DSCAM: variants seen among roughly 807,000 people sequenced by gnomAD.
DSCAM encodes DS cell adhesion molecule, also known as cell adhesion molecule DSCAM.
Under a neutral mutation model 217.7 loss-of-function variants are expected in DSCAM, and 47 were observed. The observed-to-expected ratio is 0.22, with a 90% CI of 0.17 to 0.28. The LOEUF (loss-of-function observed/expected upper bound fraction) is 0.28. DSCAM is among the 10% of genes least tolerant of loss of function. The probability of loss-of-function intolerance (pLI) is 1.00; values close to 1 mark genes in which losing one functional copy is unlikely to be tolerated. For synonymous variants in DSCAM, 1,056 were observed against 1,015.3 expected (o/e 1.04, Z -0.76); for missense variants, 2,080 against 2,618.3 (o/e 0.79, Z 4.49).
chr21:40,276,134 G>A lies in DSCAM; in HGVS notation c.2319C>T (p.Gly773=), dbSNP rs757360658. 7 of 1,608,104 alleles carry A rather than the reference G, an allele frequency of 4.4e-6. No homozygotes were observed. Among genetic ancestry groups the A allele is most frequent in the East Asian group, 2.2e-5 (1 of 44,748 alleles). Residue 773 remains glycine, a synonymous_variant, in exon 11 of 33, where the codon GGC becomes GGT. Coordinates refer to ENST00000400454, the MANE Select transcript of DSCAM (RefSeq NM_001389.5). ...YYLCKVSNDV[G]ADVSKSMYLT... ...GGTACATGGACTTGCTGACGTCTGC[G>A]CCCACATCGTTGCTGACCTTGCAGA...
At chr21:40,181,163 G>A (rs1368497357) in intron 14 of DSCAM, among the ~76,000 whole-genome samples, 2 of 152,084 alleles carry the variant, frequency 1.3e-5, no homozygotes, top group South Asian at 2.1e-4. Flanking sequence ...ATACATTTCT[G>A]TTTGTGTTTT....
chr21:40,547,490 C>A (rs1277399089), intron 3 of DSCAM, among the ~76,000 whole-genome samples: 1 of 152,176 alleles, frequency 6.6e-6, no homozygotes, highest in Non-Finnish European at 1.5e-5. Context: ...AAGGTTAAAA[C>A]CTTAATGCAC....
intron 3 of DSCAM, among the ~76,000 whole-genome samples, chr21:40,530,337 C>T (rs11908786): frequency 0.022 from 3,370 of 152,264 alleles, 121 homozygotes; most frequent in African/African-American, 0.076. Flanking sequence ...AACAAAACTA[C>T]AGGTTAAAAA....
intron 10 of DSCAM, among the ~76,000 whole-genome samples, chr21:40,279,435 A>T (rs1386823271): frequency 6.6e-6 from 1 of 152,268 alleles, no homozygotes; most frequent in Non-Finnish European, 1.5e-5. Flanking sequence ...ATACCATCTC[A>T]TGCCAGTCAC....
chr21:40,043,433 T>A lies in DSCAM; in HGVS notation c.5383+645A>T, dbSNP rs542753395. 1.4e-4 allele frequency among the ~76,000 whole-genome samples: 21 copies of A among 152,310 alleles called. No homozygotes were observed. In the South Asian group the frequency reaches 2.9e-3, roughly 21 times the overall value. ...GGAACACTGTTTTTGAAGTATATCA[T>A]CAAGAACAAAAGAAAAATGAGTATT... On this transcript the variant is annotated intron_variant, in intron 31 of 32. Transcript: ENST00000400454.
intron 1 of DSCAM, among the ~76,000 whole-genome samples, chr21:40,710,999 G>A (rs893282308): frequency 6.7e-6 from 1 of 150,226 alleles, no homozygotes; most frequent in Non-Finnish European, 1.5e-5. Context: ...GTGACATGGA[G>A]ATTCACAGGG....
intron 3 of DSCAM, among the ~76,000 whole-genome samples, chr21:40,626,633 T>C (rs774877246): frequency 2.0e-5 from 3 of 152,348 alleles, no homozygotes; most frequent in Non-Finnish European, 4.4e-5. Context: ...TCTTTTTGCA[T>C]TCCTCTTTGA....
intron 3 of DSCAM, among the ~76,000 whole-genome samples, chr21:40,519,846 C>G (rs112226358): frequency 0.034 from 5,065 of 149,356 alleles, 216 homozygotes; most frequent in African/African-American, 0.094. Context: ...CTCTCTCTCT[C>G]TCTCTGTGTG....
chr21:40,525,599 G>T (rs771494319), intron 3 of DSCAM, among the ~76,000 whole-genome samples: 1 of 152,192 alleles, frequency 6.6e-6, no homozygotes, highest in Non-Finnish European at 1.5e-5. Context: ...ACTTTTCAGA[G>T]TAATTTGGTT....
intron 30 of DSCAM, among the ~76,000 whole-genome samples, chr21:40,046,336 T>A (rs1015146912): frequency 1.3e-5 from 2 of 152,222 alleles, no homozygotes; most frequent in African/African-American, 4.8e-5. Flanking sequence ...ATCAGAATAC[T>A]CAATCTTGGT....
At chr21:40,197,682 G>A (rs1244391803) in intron 11 of DSCAM, among the ~76,000 whole-genome samples, 2 of 152,064 alleles carry the variant, frequency 1.3e-5, no homozygotes, top group Admixed American at 1.3e-4. Context: ...AATGGTAGTA[G>A]CAGCACAGTT....
intron 14 of DSCAM, 90 bp from the exon 15 acceptor site, chr21:40,179,184 CAAAA>C (rs11286508): frequency 1.5e-3 from 155 of 102,540 alleles, no homozygotes; most frequent in East Asian, 2.5e-3. Flanking sequence ...AATTAAAAAC[CAAAA>C]AAAAAAAAAA....
intron 9 of DSCAM, among the ~76,000 whole-genome samples, chr21:40,307,300 G>T (rs1447781280): frequency 6.6e-6 from 1 of 151,546 alleles, no homozygotes; most frequent in Non-Finnish European, 1.5e-5. Context: ...CTCAAAAGAA[G>T]ACATTTATGC....
At chr21:40,465,021 G>A (rs1041951028) in intron 3 of DSCAM, among the ~76,000 whole-genome samples, 1 of 151,986 alleles carries the variant, frequency 6.6e-6, no homozygotes, top group African/African-American at 2.4e-5. Context: ...TTACAGGTGT[G>A]AGCCACCGCA....
At chr21:40,280,059 C>A (rs142636375) in intron 10 of DSCAM, among the ~76,000 whole-genome samples, 5,773 of 151,828 alleles carry the variant, frequency 0.038, 380 homozygotes, top group African/African-American at 0.13. Context: ...AGCAAACCAC[C>A]GTGGCACATT....
chr21:40,197,842 G>A (rs1030214942), intron 11 of DSCAM, among the ~76,000 whole-genome samples: 9 of 152,180 alleles, frequency 5.9e-5, no homozygotes, highest in African/African-American at 1.4e-4. Context: ...TAAGTAATTA[G>A]CCTAAAGTCA....
At chr21:40,153,116 T>C (rs1053732719) in intron 16 of DSCAM, among the ~76,000 whole-genome samples, 8 of 152,228 alleles carry the variant, frequency 5.3e-5, no homozygotes, top group Non-Finnish European at 7.3e-5. Flanking sequence ...GTCTTTTTCA[T>C]CTTTGTGCGT....
At chr21:40,273,645 A>G (rs1469575155) in intron 11 of DSCAM, among the ~76,000 whole-genome samples, 2 of 152,174 alleles carry the variant, frequency 1.3e-5, no homozygotes, top group African/African-American at 4.8e-5. Flanking sequence ...GTAGTTTCTT[A>G]GTCAACTGGG....
chr21:40,087,029 T>C, intron 22 of DSCAM, 141 bp downstream of exon 22: 2 of 663,022 alleles, frequency 3.0e-6, no homozygotes, highest in Admixed American at 2.4e-5. Flanking sequence ...TCTGCCCTCA[T>C]CTCAGAAGAA....
Sources: allele counts gnomAD v4.1 joint callset (sites outside exome capture counted in the v4.1 genomes callset), GRCh38; gene constraint gnomAD v4.1.1; transcripts MANE v1.5; gene names NCBI Gene and HGNC (gene_info 2026-07-23, HGNC 2026-07-21).